Variants in LAMTOR3 observed in about 807,000 individuals in gnomAD.
The protein encoded by LAMTOR3 is late endosomal/lysosomal adaptor, MAPK and MTOR activator 3, also known as ragulator complex protein LAMTOR3.
LAMTOR3 carries 14 observed loss-of-function variants against 20.3 expected under a neutral mutation model. The ratio of observed to expected loss-of-function variants is 0.69; its 90% confidence interval spans 0.46 to 1.08. The LOEUF (loss-of-function observed/expected upper bound fraction) is 1.08, where lower values mean the gene tolerates loss of function less well. LAMTOR3 is among the 50% of genes least tolerant of loss of function. LAMTOR3 has a pLI of 0.00. For missense variants in LAMTOR3, 125 were observed against 143.7 expected (o/e 0.87, Z 0.67); for synonymous variants, 40 against 49.4 (o/e 0.81, Z 0.80).
rs1238864478 is a variant in LAMTOR3 at position 99,878,632 on chromosome 4, G to A, written c.*3362C>T. The A allele has an allele frequency of 1.1e-4, 17 of 152,096 alleles. No individual in the cohort carries two copies. Among genetic ancestry groups the A allele is most frequent in the Non-Finnish European group, 2.1e-4 (14 of 68,022 alleles). 9.4% of individuals were successfully genotyped at this position (152,096 alleles called of 1,614,324 possible). ...TTTTTCTTCTTATACATCAATTGTA[G>A]CATGCCATACAGTTTGACACCATGC... is the stretch of plus-strand genomic sequence containing the variant. On this transcript the variant is annotated 3_prime_UTR_variant, in exon 7 of 7. Transcript: ENST00000499666.
intron 3 of LAMTOR3, among the ~76,000 whole-genome samples, chr4:99,889,291 A>G (rs1018352860): frequency 3.3e-5 from 5 of 152,242 alleles, no homozygotes; most frequent in African/African-American, 1.2e-4. Context: ...ATATTTGTAC[A>G]TAAGCCAATT....
intron 2 of LAMTOR3, among the ~76,000 whole-genome samples, chr4:99,893,397 G>T (rs1433151731): frequency 6.6e-6 from 1 of 152,170 alleles, no homozygotes; most frequent in South Asian, 2.1e-4. Flanking sequence ...ACCTCACATG[G>T]ATTAATCAGG....
intron 5 of LAMTOR3, 25 bp downstream of exon 5, chr4:99,885,517 A>G: frequency 6.4e-7 from 1 of 1,562,650 alleles, no homozygotes; most frequent in Non-Finnish European, 8.7e-7. Context: ...GAAATCAGCA[A>G]ATCATTTTAT....
intron 2 of LAMTOR3, among the ~76,000 whole-genome samples, chr4:99,892,632 TTTTG>T (rs1361933671): frequency 6.6e-6 from 1 of 152,176 alleles, no homozygotes; most frequent in African/African-American, 2.4e-5. Flanking sequence ...TTTTAAAATA[TTTTG>T]TTTAAGGACC....
Position 99,881,588 on chromosome 4 carries a change from T to G in LAMTOR3, c.*406A>C, listed in dbSNP as rs745339395. 1.9e-5 allele frequency: 3 copies of G among 160,222 alleles called. No individual in the cohort carries two copies. The highest frequency in any genetic ancestry group is 4.1e-5 in the Non-Finnish European group (3 of 73,434). The allele number at this position is 160,222 out of a possible 1,614,324, so 9.9% of individuals were successfully genotyped here. ...AATCTGAAGAAAAATATGTCCTTAT[T>G]ATTATTCACAATAAAAAGTTGGCTT... is the stretch of plus-strand genomic sequence containing the variant. On this transcript the variant is annotated 3_prime_UTR_variant, in exon 7 of 7. Transcript: ENST00000499666.
chr4:99,890,585 T>A (rs1448816051), intron 3 of LAMTOR3, among the ~76,000 whole-genome samples: 1 of 152,158 alleles, frequency 6.6e-6, no homozygotes, highest in Non-Finnish European at 1.5e-5. Flanking sequence ...AAGCCTATTT[T>A]CAATAAATGA....
chr4:99,893,237 CT>C (rs1227452968), intron 2 of LAMTOR3, among the ~76,000 whole-genome samples: 3 of 152,118 alleles, frequency 2.0e-5, no homozygotes, highest in Non-Finnish European at 4.4e-5. Flanking sequence ...TGATCTTGAA[CT>C]CCCGGCCTCA....
At position 99,879,621 on chromosome 4, in the gene LAMTOR3, TAC is replaced by T. The variant is rs1724780931; in HGVS notation, c.*2371_*2372del. On this transcript the variant is annotated 3_prime_UTR_variant, in exon 7 of 7. Transcript: ENST00000499666. ...TAGTATTTCAATTGTAACAATTAAC[TAC>T]AGTCATGTGTTACGTAACAATGTGG... 1 of 152,146 alleles carries T rather than the reference TAC, an allele frequency of 6.6e-6. No individual in the cohort carries two copies. The highest frequency in any genetic ancestry group is 2.4e-5 in the African/African-American group (1 of 41,402). 9.4% of individuals were successfully genotyped at this position (152,146 alleles called of 1,614,324 possible). A position where few individuals can be genotyped will look rare whatever the true frequency, so the allele number is the denominator to read the frequency against.
At chr4:99,891,535 C>T (rs1290454718) in intron 3 of LAMTOR3, among the ~76,000 whole-genome samples, 1 of 152,184 alleles carries the variant, frequency 6.6e-6, no homozygotes, top group Non-Finnish European at 1.5e-5. Flanking sequence ...CACTGTGCAT[C>T]TGTTATGCAG....
At chr4:99,892,093 T>C in intron 2 of LAMTOR3, 59 bp from the exon 3 acceptor site, 1 of 1,493,148 alleles carries the variant, frequency 6.7e-7, no homozygotes, top group East Asian at 2.6e-5. Flanking sequence ...GTTTTCTAGA[T>C]CCTGTCCTAT....
At chr4:99,887,737 C>T (rs548714381) in intron 3 of LAMTOR3, among the ~76,000 whole-genome samples, 1 of 152,318 alleles carries the variant, frequency 6.6e-6, no homozygotes, top group Admixed American at 6.5e-5. Flanking sequence ...ATTTGTGGCA[C>T]TTAATACTTT....
Position 99,880,963 on chromosome 4 carries a change from T to A in LAMTOR3, c.*1031A>T, listed in dbSNP as rs149839395. On this transcript the variant is annotated 3_prime_UTR_variant, in exon 7 of 7. Coordinates refer to ENST00000499666, the MANE Select transcript of LAMTOR3 (RefSeq NM_021970.4). The stretch of plus-strand genomic sequence containing the variant: ...ATGCCTGAGGTTTCTTGGTTTCTTT[T>A]CTTTTTTGTTTTTGAGACGGAGTCT... The A allele has an allele frequency of 6.6e-6, 1 of 152,416 alleles. No homozygotes were observed. Among genetic ancestry groups the A allele is most frequent in the African/African-American group, 2.4e-5 (1 of 41,604 alleles). The allele number at this position is 152,416 out of a possible 1,614,324, so 9.4% of individuals were successfully genotyped here.
intron 5 of LAMTOR3, among the ~76,000 whole-genome samples, chr4:99,885,196 T>A (rs1312071278): frequency 6.6e-6 from 1 of 151,870 alleles, no homozygotes; most frequent in African/African-American, 2.4e-5. Context: ...TCAAGGAAAG[T>A]TTTTTTTATC....
In LAMTOR3 at chr4:99,885,548, G is replaced by A. The variant is rs1339847327; in HGVS notation, c.231C>T (p.Thr77=). 1 of 1,603,118 alleles carries A rather than the reference G, an allele frequency of 6.2e-7. No homozygotes were observed. Among genetic ancestry groups the A allele is most frequent in the Non-Finnish European group, 8.5e-7 (1 of 1,176,004 alleles). The change falls in exon 5 of 7, where the codon ACC becomes ACT. Residue 77 remains threonine (T), a synonymous_variant. Coordinates refer to ENST00000499666, the MANE Select transcript of LAMTOR3 (RefSeq NM_021970.4). The part of the protein sequence containing the change: ...KNKSIICYYN[T]YQVVQFNRLP... The stretch of plus-strand genomic sequence containing the variant: ...TTTATAATTATGAACTTACCTGGTA[G>A]GTGTTATAGTAACAGATGATACTTT...
chr4:99,893,573 CT>C (rs1725065555), intron 2 of LAMTOR3, among the ~76,000 whole-genome samples: 2 of 152,110 alleles, frequency 1.3e-5, no homozygotes, highest in Admixed American at 1.3e-4. Context: ...TTATCACTTA[CT>C]GGAAAAAAGT....
chr4:99,890,813 A>G (rs1206806536), intron 3 of LAMTOR3, among the ~76,000 whole-genome samples: 4 of 152,172 alleles, frequency 2.6e-5, no homozygotes, highest in Non-Finnish European at 5.9e-5. Flanking sequence ...CTTTCCAACT[A>G]TTTTTGATCA....
chr4:99,881,896 G>C lies in LAMTOR3; in HGVS notation c.*98C>G. ...AAGTTGGAAAAAGGGGCCCTTTCTT[G>C]AGCACATGGATAAAAGTATTATTGT... On this transcript the variant is annotated 3_prime_UTR_variant, in exon 7 of 7. Coordinates refer to ENST00000499666, the MANE Select transcript of LAMTOR3 (RefSeq NM_021970.4). The C allele has an allele frequency of 2.4e-6, 2 of 835,938 alleles. No homozygotes were observed. Among genetic ancestry groups the C allele is most frequent in the Non-Finnish European group, 3.9e-6 (2 of 512,054 alleles). The allele number at this position is 835,938 out of a possible 1,614,324, so 51.8% of individuals were successfully genotyped here.
Position 99,879,832 on chromosome 4 carries a change from A to ACTACACACCTAGGCTATATGGTATAGC in LAMTOR3, c.*2161_*2162insGCTATACCATATAGCCTAGGTGTGTAG, listed in dbSNP as rs1286713809. The stretch of plus-strand genomic sequence containing the variant: ...ACACCTAGGCTATATGGTATAGCCT[A>ACTACACACCTAGGCTATATGGTATAGC]CTACTATACACCTAGGCTATATGGT... On this transcript the variant is annotated 3_prime_UTR_variant, in exon 7 of 7. Coordinates refer to ENST00000499666, the MANE Select transcript of LAMTOR3 (RefSeq NM_021970.4). The ACTACACACCTAGGCTATATGGTATAGC allele has an allele frequency of 3.6e-3, 526 of 147,828 alleles. 4 individuals are homozygous for ACTACACACCTAGGCTATATGGTATAGC. Among genetic ancestry groups the ACTACACACCTAGGCTATATGGTATAGC allele is most frequent in the African/African-American group, 0.013 (489 of 38,814 alleles). 9.2% of individuals were successfully genotyped at this position (147,828 alleles called of 1,614,324 possible). A position where few individuals can be genotyped will look rare whatever the true frequency, so the allele number is the denominator to read the frequency against.
At chr4:99,893,132 A>G (rs1461272091) in intron 2 of LAMTOR3, among the ~76,000 whole-genome samples, 1 of 152,158 alleles carries the variant, frequency 6.6e-6, no homozygotes, top group Non-Finnish European at 1.5e-5. Context: ...GTCTCGCCTC[A>G]CTTCCAGCAT....
Sources: gnomAD v4.1 joint callset for allele counts (sites outside exome capture counted in the v4.1 genomes callset) on GRCh38, gnomAD v4.1.1 for gene constraint, MANE v1.5 for transcripts, NCBI Gene and HGNC (gene_info 2026-07-23, HGNC 2026-07-21) for gene names.